SCYL2: variants seen among roughly 807,000 people sequenced by gnomAD.
SCYL2 encodes the protein SCY1-like protein 2.
Under a neutral mutation model 100.4 loss-of-function variants are expected in SCYL2, and 36 were observed. That is an observed-to-expected ratio of 0.36 (90% CI 0.27 to 0.47). The LOEUF (loss-of-function observed/expected upper bound fraction) is 0.47, where lower values mean the gene tolerates loss of function less well. SCYL2 is among the 20% of genes least tolerant of loss of function. The pLI is 1.00. For synonymous variants in SCYL2, 330 were observed against 359.2 expected (o/e 0.92, Z 0.92); for missense variants, 902 against 1,083.9 (o/e 0.83, Z 2.36).
chr12:100,330,186 G>GAT (rs1952191403), intron 13 of SCYL2, among the ~76,000 whole-genome samples: 1 of 152,142 alleles, frequency 6.6e-6, no homozygotes, highest in Non-Finnish European at 1.5e-5. Context: ...TTGATTGGCA[G>GAT]ATATATATAA....
chr12:100,309,269 T>C (rs537544008), intron 4 of SCYL2, among the ~76,000 whole-genome samples: 3 of 152,288 alleles, frequency 2.0e-5, no homozygotes, highest in Non-Finnish European at 4.4e-5. Flanking sequence ...TTTGAGTCCG[T>C]TCATTAAGTA....
At chr12:100,285,555 C>T (rs1359451353) in intron 2 of SCYL2, among the ~76,000 whole-genome samples, 1 of 152,288 alleles carries the variant, frequency 6.6e-6, no homozygotes, top group East Asian at 1.9e-4. Flanking sequence ...CCCTGCCAAT[C>T]TTGTTATATA....
At chr12:100,337,563 G>T in intron 17 of SCYL2, 57 bp downstream of exon 17, 2 of 1,500,942 alleles carry the variant, frequency 1.3e-6, no homozygotes, top group Non-Finnish European at 1.8e-6. Flanking sequence ...GGAGTAAGGT[G>T]GTATAGAACT....
chr12:100,294,265 C>T (rs1592939944), intron 3 of SCYL2, among the ~76,000 whole-genome samples: 1 of 130,956 alleles, frequency 7.6e-6, no homozygotes, highest in Non-Finnish European at 1.6e-5. Context: ...GCTGACCCCC[C>T]AACCTCCCTC....
intron 2 of SCYL2, among the ~76,000 whole-genome samples, chr12:100,290,476 T>A (rs766431207): frequency 7.9e-4 from 121 of 152,282 alleles, no homozygotes; most frequent in Non-Finnish European, 1.5e-3. Context: ...GATTGGACTT[T>A]TTGCAGTGAA....
In SCYL2 at chr12:100,312,481, T is replaced by A; in HGVS notation, c.680T>A (p.Leu227His). 6.2e-7 allele frequency: 1 copy of A among 1,613,602 alleles called. No individual in the cohort carries two copies. Among genetic ancestry groups the A allele is most frequent in the Non-Finnish European group, 8.5e-7 (1 of 1,179,928 alleles). The part of the protein sequence containing the change: ...EWDPNLPSLC[L>H]PNPEYLAPEY... ...GACCCAAATTTACCTTCATTGTGTC[T>A]TCCAAATCCTGAATATTTGGCTCCT... The change falls in exon 6 of 18, where the codon CTT (leucine) becomes CAT (histidine). Residue 227 changes from leucine to histidine, a missense_variant. Transcript: ENST00000360820.
chr12:100,284,246 TCTC>T (rs755163126), intron 2 of SCYL2, among the ~76,000 whole-genome samples: 9 of 152,184 alleles, frequency 5.9e-5, no homozygotes, highest in Non-Finnish European at 1.3e-4. Flanking sequence ...TATGCTGAAA[TCTC>T]CTGATGATTT....
chr12:100,337,713 A>C (rs1461950579), intron 17 of SCYL2, among the ~76,000 whole-genome samples: 1 of 152,204 alleles, frequency 6.6e-6, no homozygotes, highest in South Asian at 2.1e-4. Context: ...GCTTGTTACC[A>C]GTAAAAAAGA....
At chr12:100,295,960 C>T (rs1446205487) in intron 3 of SCYL2, among the ~76,000 whole-genome samples, 1 of 152,168 alleles carries the variant, frequency 6.6e-6, no homozygotes, top group Non-Finnish European at 1.5e-5. Context: ...CAGGCCAGGG[C>T]CGACACCTGG....
rs1592928760 is a variant in SCYL2, at chr12:100,279,565, T to G, written c.-28-3378T>G. On this transcript the variant is annotated intron_variant, in intron 1 of 17. Transcript: ENST00000360820. ...TTTTGTGCATGTTATGTGTCTTTCATGACTATTGGGTTTTGTTCTGGTAGG... is the reference window on the plus strand; with the variant it reads ...TTTTGTGCATGTTATGTGTCTTTCAGGACTATTGGGTTTTGTTCTGGTAGG... 4.6e-5 allele frequency among the ~76,000 whole-genome samples: 7 copies of G among 152,378 alleles called. 1 individual carries two copies. The highest frequency in any genetic ancestry group is 4.6e-4 in the Admixed American group (7 of 15,312).
chr12:100,288,525 C>T (rs2096306915), intron 2 of SCYL2, among the ~76,000 whole-genome samples: 1 of 151,988 alleles, frequency 6.6e-6, no homozygotes, highest in Non-Finnish European at 1.5e-5. Context: ...TCATGTAGTC[C>T]TTTTTTTATA....
At chr12:100,327,293 C>A in intron 12 of SCYL2, 3 of 232,228 alleles carry the variant, frequency 1.3e-5, no homozygotes, top group South Asian at 4.6e-5. Flanking sequence ...TATTTTGTGG[C>A]TAAGTGATAT....
chr12:100,278,223 A>G (rs2096294529), intron 1 of SCYL2, among the ~76,000 whole-genome samples: 1 of 151,770 alleles, frequency 6.6e-6, no homozygotes, highest in African/African-American at 2.4e-5. Flanking sequence ...TTTTAGAGAG[A>G]GGGTCTTGTT....
rs1952355207 is a variant in SCYL2 at position 100,341,668 on chromosome 12, C to T, written c.*2496C>T. On this transcript the variant is annotated 3_prime_UTR_variant, in exon 18 of 18. Transcript: ENST00000360820. ...AAGAAAAAGGTATATGCGAACATAC[C>T]TGATATCAAGAGGAGTATGCACCAA... 1 of 152,060 alleles carries T rather than the reference C, an allele frequency of 6.6e-6. No homozygotes were observed. Among genetic ancestry groups the T allele is most frequent in the Admixed American group, 6.6e-5 (1 of 15,264 alleles). The allele number at this position is 152,060 out of a possible 1,614,324, so 9.4% of individuals were successfully genotyped here. A position where few individuals can be genotyped will look rare whatever the true frequency, so the allele number is the denominator to read the frequency against.
chr12:100,315,781 T>C, intron 9 of SCYL2, 47 bp downstream of exon 9: 1 of 1,399,526 alleles, frequency 7.1e-7, no homozygotes, highest in Non-Finnish European at 9.7e-7. Context: ...TATTTATGAT[T>C]GTGACTATCA....
At position 100,312,421 on chromosome 12, in the gene SCYL2, T is replaced by C; in HGVS notation, c.631-11T>C. 1 of 1,587,988 alleles carries C rather than the reference T, an allele frequency of 6.3e-7. No homozygotes were observed. The highest frequency in any genetic ancestry group is 8.6e-7 in the Non-Finnish European group (1 of 1,158,150). ...TTGAAGTAACCCATGTAATTCCTTT[T>C]CTTACTACAGCCTAAATTTCCTTGT... On this transcript the variant is annotated splice_polypyrimidine_tract_variant and intron_variant, in intron 5 of 17. Coordinates refer to ENST00000360820, the MANE Select transcript of SCYL2 (RefSeq NM_017988.6).
chr12:100,324,372 C>T (rs1189414456), intron 11 of SCYL2, among the ~76,000 whole-genome samples: 1 of 152,086 alleles, frequency 6.6e-6, no homozygotes. Flanking sequence ...GAGAAATGTT[C>T]TCTTTTGCCT....
At chr12:100,335,163 T>G (rs903299598) in intron 14 of SCYL2, among the ~76,000 whole-genome samples, 6 of 152,108 alleles carry the variant, frequency 3.9e-5, no homozygotes, top group Admixed American at 3.9e-4. Context: ...ATAACAAGTA[T>G]TTATATTTGA....
At chr12:100,327,708 G>A (rs531757613) in intron 12 of SCYL2, among the ~76,000 whole-genome samples, 107 of 152,100 alleles carry the variant, frequency 7.0e-4, no homozygotes, top group Non-Finnish European at 1.3e-3. Context: ...TAGAGACAGG[G>A]TTTCATCATC....
Sources: gnomAD v4.1 joint callset for allele counts (sites outside exome capture counted in the v4.1 genomes callset) on GRCh38, gnomAD v4.1.1 for gene constraint, MANE v1.5 for transcripts, NCBI Gene and HGNC (gene_info 2026-07-23, HGNC 2026-07-21) for gene names.